TMEM200A: variants seen among roughly 807,000 people sequenced by gnomAD.
TMEM200A encodes the protein two transmembrane C.
TMEM200A carries 12 observed loss-of-function variants against 24.3 expected under a neutral mutation model. That is an observed-to-expected ratio of 0.49 (90% CI 0.32 to 0.80). The LOEUF (loss-of-function observed/expected upper bound fraction) is 0.80, where lower values mean the gene tolerates loss of function less well. TMEM200A is among the 30% of genes least tolerant of loss of function. The probability of loss-of-function intolerance (pLI) is 0.04; values close to 1 mark genes in which losing one functional copy is unlikely to be tolerated. For missense variants in TMEM200A, 545 were observed against 614.4 expected, an observed-to-expected ratio of 0.89 and a Z score of 1.19; for synonymous variants, 224 against 224.4, an observed-to-expected ratio of 1.00 and a Z score of 0.02.
In TMEM200A at chr6:130,440,985, T is replaced by G. The variant is rs1314061426; in HGVS notation, c.563T>G (p.Leu188Trp). The G allele has an allele frequency of 1.2e-6, 2 of 1,614,020 alleles. No individual in the cohort carries two copies. The highest frequency in any genetic ancestry group is 2.2e-5 in the South Asian group (2 of 91,066). Residue 188 changes from leucine to tryptophan, a missense_variant, in exon 3 of 3, where the codon TTG (leucine) becomes TGG (tryptophan). Physicochemically the swap from Leu to Trp is moderately conservative, Grantham distance 61. Transcript: ENST00000296978. ...QRQMNGMYTG[L>W]MGETEVKQNG... ...CAAATGAACGGCATGTACACTGGTTTGATGGGAGAAACAGAAGTAAAACAG... is the reference window on the plus strand; with the variant it reads ...CAAATGAACGGCATGTACACTGGTTGGATGGGAGAAACAGAAGTAAAACAG...
intron 1 of TMEM200A, among the ~76,000 whole-genome samples, chr6:130,374,644 G>A (rs1042194104): frequency 6.6e-6 from 1 of 151,822 alleles, no homozygotes; most frequent in Non-Finnish European, 1.5e-5. Flanking sequence ...GGCTGGTCTC[G>A]AACTCCTGAC....
At chr6:130,419,419 C>T (rs1242416730) in intron 2 of TMEM200A, among the ~76,000 whole-genome samples, 2 of 152,082 alleles carry the variant, frequency 1.3e-5, no homozygotes, top group Non-Finnish European at 2.9e-5. Flanking sequence ...AATTTCTTTT[C>T]CTTTGGATCA....
intron 2 of TMEM200A, among the ~76,000 whole-genome samples, chr6:130,394,784 CA>C (rs1356507492): frequency 6.6e-6 from 1 of 152,154 alleles, no homozygotes; most frequent in Non-Finnish European, 1.5e-5. Context: ...AGGTATGGTG[CA>C]GGGTAAACAG....
intron 2 of TMEM200A, among the ~76,000 whole-genome samples, chr6:130,422,572 G>A (rs1020194555): frequency 6.6e-6 from 1 of 152,096 alleles, no homozygotes; most frequent in Non-Finnish European, 1.5e-5. Context: ...CAGCCTTATT[G>A]TACTTTTTAA....
chr6:130,389,085 A>G (rs1021868269), intron 2 of TMEM200A, among the ~76,000 whole-genome samples: 1 of 152,204 alleles, frequency 6.6e-6, no homozygotes, highest in Non-Finnish European at 1.5e-5. Context: ...CTCTCAACAA[A>G]GTAGAACTGT....
At chr6:130,433,594 A>G (rs1779931683) in intron 2 of TMEM200A, among the ~76,000 whole-genome samples, 2 of 152,176 alleles carry the variant, frequency 1.3e-5, no homozygotes, top group South Asian at 4.1e-4. Context: ...AAGTCCTAAA[A>G]TTGTTCTAGC....
chr6:130,414,279 A>G (rs1192290879), intron 2 of TMEM200A, among the ~76,000 whole-genome samples: 1 of 151,968 alleles, frequency 6.6e-6, no homozygotes, highest in African/African-American at 2.4e-5. Context: ...TAAAAATACA[A>G]AAATTAGCTG....
At chr6:130,404,703 T>C (rs1779165865) in intron 2 of TMEM200A, among the ~76,000 whole-genome samples, 1 of 152,202 alleles carries the variant, frequency 6.6e-6, no homozygotes, top group Non-Finnish European at 1.5e-5. Context: ...ATTTTTACTT[T>C]AGTTGCAATT....
intron 1 of TMEM200A, among the ~76,000 whole-genome samples, chr6:130,368,420 C>T (rs866222739): frequency 1.3e-5 from 2 of 152,144 alleles, no homozygotes; most frequent in East Asian, 1.9e-4. Flanking sequence ...TAGTCATACA[C>T]GTTACTTATC....
rs1260023987 is a variant in TMEM200A at position 130,442,899 on chromosome 6, T to C, written c.*1001T>C. On this transcript the variant is annotated 3_prime_UTR_variant, in exon 3 of 3. Transcript: ENST00000296978. ...TTACCTTCATATGCCACTATCTCGG[T>C]AGTTCAAAAAAATTTAGTTCTTGAT... The C allele has an allele frequency of 1.2e-5, 2 of 165,528 alleles. No individual in the cohort carries two copies. The highest frequency in any genetic ancestry group is 2.9e-5 in the Non-Finnish European group (2 of 67,798). The allele number at this position is 165,528 out of a possible 1,614,324, so 10.3% of individuals were successfully genotyped here. A position where few individuals can be genotyped will look rare whatever the true frequency, so the allele number is the denominator to read the frequency against.
intron 2 of TMEM200A, among the ~76,000 whole-genome samples, chr6:130,430,169 C>G (rs1027542792): frequency 1.3e-5 from 2 of 152,094 alleles, no homozygotes; most frequent in African/African-American, 4.8e-5. Context: ...GATTCAGTAT[C>G]TAGTGTGGAC....
intron 1 of TMEM200A, among the ~76,000 whole-genome samples, chr6:130,375,893 A>T (rs982337759): frequency 1.3e-5 from 2 of 152,230 alleles, no homozygotes; most frequent in Non-Finnish European, 2.9e-5. Context: ...GACTATATGT[A>T]GTTATGGTCA....
At chr6:130,435,275 C>T (rs945890446) in intron 2 of TMEM200A, among the ~76,000 whole-genome samples, 2 of 152,074 alleles carry the variant, frequency 1.3e-5, no homozygotes, top group Non-Finnish European at 2.9e-5. Context: ...TGTGAGCCAT[C>T]GCACCCAGCC....
intron 2 of TMEM200A, among the ~76,000 whole-genome samples, chr6:130,393,077 T>G (rs1268172736): frequency 1.3e-5 from 2 of 152,192 alleles, no homozygotes; most frequent in Admixed American, 1.3e-4. Context: ...TTGATGGAAT[T>G]AACCAGCCAA....
chr6:130,417,964 G>A (rs1007809043), intron 2 of TMEM200A, among the ~76,000 whole-genome samples: 6 of 151,998 alleles, frequency 3.9e-5, no homozygotes, highest in Non-Finnish European at 8.8e-5. Context: ...TCATTTCCAG[G>A]GCCACAGCAA....
chr6:130,431,140 G>T (rs1431437062), intron 2 of TMEM200A, among the ~76,000 whole-genome samples: 1 of 152,160 alleles, frequency 6.6e-6, no homozygotes, highest in Non-Finnish European at 1.5e-5. Flanking sequence ...GACTAGAATT[G>T]AAATTGCTAT....
intron 1 of TMEM200A, among the ~76,000 whole-genome samples, chr6:130,372,105 A>G (rs779084353): frequency 7.2e-5 from 11 of 152,234 alleles, no homozygotes; most frequent in Non-Finnish European, 1.3e-4. Flanking sequence ...GGAAAGTGAA[A>G]GAGCTGGCAT....
chr6:130,429,223 A>G (rs1779817852), intron 2 of TMEM200A, among the ~76,000 whole-genome samples: 1 of 152,164 alleles, frequency 6.6e-6, no homozygotes, highest in Non-Finnish European at 1.5e-5. Context: ...GAAACTTTTG[A>G]CAAAGAAAAA....
At chr6:130,432,535 A>T (rs1029069718) in intron 2 of TMEM200A, among the ~76,000 whole-genome samples, 3 of 152,360 alleles carry the variant, frequency 2.0e-5, no homozygotes, top group Middle Eastern at 6.8e-3. Context: ...GTCTCAGAAC[A>T]AACTTGCAGT....
Sources: allele counts gnomAD v4.1 joint callset (sites outside exome capture counted in the v4.1 genomes callset), GRCh38; gene constraint gnomAD v4.1.1; transcripts MANE v1.5; gene names NCBI Gene and HGNC (gene_info 2026-07-23, HGNC 2026-07-21).